ITPR1: variants seen among roughly 807,000 people sequenced by gnomAD.
ITPR1 encodes the protein inositol 1,4,5-trisphosphate-gated calcium channel ITPR1.
In ITPR1, 96 loss-of-function variants were observed where a neutral mutation model predicts 318.4. The ratio of observed to expected loss-of-function variants is 0.30; its 90% CI spans 0.26 to 0.36. The LOEUF is 0.36. Among genes scored for constraint, ITPR1 ranks in the 10% least tolerant of loss-of-function variants. The probability of loss-of-function intolerance (pLI) is 1.00; values close to 1 mark genes in which losing one functional copy is unlikely to be tolerated. For synonymous variants in ITPR1, 1,312 were observed against 1,289.9 expected (o/e 1.02, Z -0.37); for missense variants, 2,440 against 3,460.2 (o/e 0.71, Z 7.40).
intron 44 of ITPR1, among the ~76,000 whole-genome samples, chr3:4,763,315 G>T (rs1017956041): frequency 6.6e-6 from 1 of 152,114 alleles, no homozygotes; most frequent in African/African-American, 2.4e-5. Flanking sequence ...ATTTACCTTT[G>T]TGACAAACCT....
At chr3:4,551,677 T>A (rs1473595797) in intron 4 of ITPR1, among the ~76,000 whole-genome samples, 1 of 152,228 alleles carries the variant, frequency 6.6e-6, no homozygotes, top group Non-Finnish European at 1.5e-5. Flanking sequence ...CAGCATGTGT[T>A]AATTGTAGTG....
intron 57 of ITPR1, 37 bp downstream of exon 57, chr3:4,813,271 G>A (rs774681772): frequency 6.2e-6 from 9 of 1,448,308 alleles, no homozygotes; most frequent in South Asian, 2.4e-5. Flanking sequence ...TGTTAATATC[G>A]GACTCCTCCA....
intron 17 of ITPR1, among the ~76,000 whole-genome samples, chr3:4,667,172 T>G (rs1440442104): frequency 6.6e-6 from 1 of 152,228 alleles, no homozygotes; most frequent in East Asian, 1.9e-4. Flanking sequence ...TACATTTGTG[T>G]GGCAGGCTTA....
intron 4 of ITPR1, among the ~76,000 whole-genome samples, chr3:4,600,053 T>G (rs1380467982): frequency 2.0e-5 from 3 of 152,224 alleles, no homozygotes; most frequent in African/African-American, 7.2e-5. Context: ...TAGCATTGTA[T>G]GTACAAATGG....
intron 55 of ITPR1, among the ~76,000 whole-genome samples, chr3:4,806,802 CTTGACAG>C: frequency 6.6e-6 from 1 of 152,094 alleles, no homozygotes; most frequent in Non-Finnish European, 1.5e-5. Context: ...TGCTTAATGT[CTTGACAG>C]TCTGTAAGAC....
intron 4 of ITPR1, among the ~76,000 whole-genome samples, chr3:4,570,033 T>C (rs1429985496): frequency 6.6e-6 from 1 of 152,194 alleles, no homozygotes; most frequent in Non-Finnish European, 1.5e-5. Context: ...ACAATTGTGC[T>C]GCCCTTCACT....
intron 61 of ITPR1, 118 bp downstream of exon 61, chr3:4,837,053 G>T: frequency 1.1e-6 from 1 of 932,992 alleles, no homozygotes; most frequent in Admixed American, 3.1e-5. Context: ...GGAAAAGGGA[G>T]CCAGGCAACA....
At chr3:4,727,986 T>A (rs994057899) in intron 42 of ITPR1, among the ~76,000 whole-genome samples, 6 of 152,200 alleles carry the variant, frequency 3.9e-5, no homozygotes, top group African/African-American at 1.4e-4. Flanking sequence ...GGTATACAAC[T>A]TTTGTACCCT....
At chr3:4,618,858 C>T (rs1337845895) in intron 4 of ITPR1, among the ~76,000 whole-genome samples, 1 of 152,286 alleles carries the variant, frequency 6.6e-6, no homozygotes, top group East Asian at 1.9e-4. Flanking sequence ...CATACTGTCT[C>T]GACTATAGAA....
intron 57 of ITPR1, 134 bp downstream of exon 57, chr3:4,813,368 A>G: frequency 3.3e-6 from 2 of 613,992 alleles, no homozygotes; most frequent in Non-Finnish European, 5.7e-6. Context: ...AGGCTGAGAA[A>G]GAGGAGGGAG....
intron 4 of ITPR1, among the ~76,000 whole-genome samples, chr3:4,534,443 G>A (rs1375338939): frequency 4.6e-5 from 7 of 152,162 alleles, no homozygotes; most frequent in Non-Finnish European, 8.8e-5. Context: ...TATTCTCATT[G>A]GCACTGATTT....
chr3:4,749,898 A>C (rs1450851302), intron 44 of ITPR1: 1 of 152,738 alleles, frequency 6.5e-6, no homozygotes, highest in Non-Finnish European at 1.5e-5. Context: ...GGGTCTGGCC[A>C]GGTTGGGCTG....
Position 4,806,039 on chromosome 3 carries a change from C to T in ITPR1, c.7108-64C>T, listed in dbSNP as rs780901601. ...GAAATACATTTGTGTGAGATGCTCTCGTTGCTCTCATGAAGAGTTTGGCAC... is the reference window on the plus strand; with the variant it reads ...GAAATACATTTGTGTGAGATGCTCTTGTTGCTCTCATGAAGAGTTTGGCAC... On this transcript the variant is annotated intron_variant, in intron 54 of 61. Coordinates refer to ENST00000649015, the MANE Select transcript of ITPR1 (RefSeq NM_001378452.1). 4.9e-5 allele frequency: 66 copies of T among 1,360,384 alleles called. 1 individual carries two copies. The Middle Eastern group carries it at 7.3e-4, about 15-fold the overall frequency. 84.3% of individuals were successfully genotyped at this position (1,360,384 alleles called of 1,614,324 possible).
intron 4 of ITPR1, among the ~76,000 whole-genome samples, chr3:4,619,569 TTTCCCC>T (rs1454940970): frequency 3.7e-5 from 2 of 53,654 alleles, no homozygotes; most frequent in African/African-American, 9.5e-5. Context: ...TCCCCTGCCC[TTTCCCC>T]TTCCCCCTTC....
At chr3:4,737,098 G>A (rs1015221016) in intron 44 of ITPR1, among the ~76,000 whole-genome samples, 1 of 152,110 alleles carries the variant, frequency 6.6e-6, no homozygotes, top group African/African-American at 2.4e-5. Context: ...GATTATGGAT[G>A]ATAGATTTTT....
At chr3:4,638,503 CT>C (rs1208890219) in intron 5 of ITPR1, among the ~76,000 whole-genome samples, 10 of 152,290 alleles carry the variant, frequency 6.6e-5, no homozygotes, top group African/African-American at 1.9e-4. Context: ...TGTTCCCCCC[CT>C]AGCATGTCAC....
At chr3:4,738,100 A>G (rs2043409297) in intron 44 of ITPR1, among the ~76,000 whole-genome samples, 1 of 152,176 alleles carries the variant, frequency 6.6e-6, no homozygotes, top group Non-Finnish European at 1.5e-5. Context: ...TGGAAAAATA[A>G]CTAATGGGTA....
At chr3:4,769,117 C>T (rs2046017679) in intron 46 of ITPR1, among the ~76,000 whole-genome samples, 1 of 152,040 alleles carries the variant, frequency 6.6e-6, no homozygotes, top group African/African-American at 2.4e-5. Flanking sequence ...CCAGGCTGGT[C>T]TCGAACTCCT....
intron 58 of ITPR1, 177 bp from the exon 59 acceptor site, chr3:4,814,876 G>A (rs1575354594): frequency 2.0e-5 from 13 of 635,096 alleles, no homozygotes; most frequent in Middle Eastern, 3.4e-4. Flanking sequence ...ACCACACTTG[G>A]AGAAGTCGCA....
Sources: allele counts gnomAD v4.1 joint callset (sites outside exome capture counted in the v4.1 genomes callset), GRCh38; gene constraint gnomAD v4.1.1; transcripts MANE v1.5; gene names NCBI Gene and HGNC (gene_info 2026-07-23, HGNC 2026-07-21).